LMX1B: variants seen among roughly 807,000 people sequenced by gnomAD.
The protein encoded by LMX1B is LIM homeobox transcription factor 1 beta, also known as LIM homeobox transcription factor 1-beta.
LMX1B carries 12 observed loss-of-function variants against 51.4 expected under a neutral mutation model. That is an observed-to-expected ratio of 0.23 (90% CI 0.15 to 0.38). The LOEUF (loss-of-function observed/expected upper bound fraction) is 0.38. Among genes scored for constraint, LMX1B ranks in the 10% least tolerant of loss-of-function variants. The pLI is 1.00. For missense variants in LMX1B, 445 were observed against 571.1 expected (o/e 0.78, Z 2.25); for synonymous variants, 237 against 235.4 (o/e 1.01, Z -0.06).
chr9:126,628,719 C>T (rs2034283381), intron 2 of LMX1B, among the ~76,000 whole-genome samples: 1 of 152,180 alleles, frequency 6.6e-6, no homozygotes, highest in Admixed American at 6.5e-5. Context: ...TTATACCACA[C>T]TCTTTGGCAT....
intron 2 of LMX1B, among the ~76,000 whole-genome samples, chr9:126,686,544 G>A (rs2029893333): frequency 6.6e-6 from 1 of 152,220 alleles, no homozygotes; most frequent in Admixed American, 6.5e-5. Context: ...TTTGGAGGTA[G>A]GGGAGATGTG....
chr9:126,648,292 G>A (rs976417386), intron 2 of LMX1B, among the ~76,000 whole-genome samples: 6 of 152,192 alleles, frequency 3.9e-5, no homozygotes, highest in East Asian at 1.9e-4. Flanking sequence ...AGTTATAGGC[G>A]CATTAAGGAG....
At chr9:126,672,738 A>T (rs1348660653) in intron 2 of LMX1B, among the ~76,000 whole-genome samples, 1 of 152,212 alleles carries the variant, frequency 6.6e-6, no homozygotes, top group Non-Finnish European at 1.5e-5. Context: ...GCTGAGGAAC[A>T]GTCCAGGGCC....
At chr9:126,632,244 C>T (rs1158062931) in intron 2 of LMX1B, among the ~76,000 whole-genome samples, 1 of 152,150 alleles carries the variant, frequency 6.6e-6, no homozygotes, top group Non-Finnish European at 1.5e-5. Context: ...GGGCAGGGGC[C>T]TCGTTAGTCA....
At chr9:126,653,726 A>G (rs1836063049) in intron 2 of LMX1B, among the ~76,000 whole-genome samples, 1 of 151,774 alleles carries the variant, frequency 6.6e-6, no homozygotes, top group African/African-American at 2.4e-5. Flanking sequence ...TTGCCCTTTC[A>G]TGACCACACT....
At chr9:126,642,594 G>A (rs1434319691) in intron 2 of LMX1B, among the ~76,000 whole-genome samples, 2 of 152,340 alleles carry the variant, frequency 1.3e-5, no homozygotes, top group East Asian at 1.9e-4. Context: ...AGCTGTCCCA[G>A]CCCTTGTCAT....
intron 2 of LMX1B, among the ~76,000 whole-genome samples, chr9:126,633,414 T>C (rs1318093130): frequency 1.3e-5 from 2 of 152,192 alleles, no homozygotes; most frequent in African/African-American, 4.8e-5. Flanking sequence ...GAACGGTGCT[T>C]ACCTGTCCAT....
In LMX1B at chr9:126,699,355, C is replaced by T. The variant is rs1588312455; in HGVS notation, c.*2904C>T. ...GGGGTCACAACTTGTTCTTAGTAAACTTGCCAGCTGTTGGGGTCACATATT... is the reference window on the plus strand; with the variant it reads ...GGGGTCACAACTTGTTCTTAGTAAATTTGCCAGCTGTTGGGGTCACATATT... On this transcript the variant is annotated 3_prime_UTR_variant, in exon 8 of 8. Coordinates refer to ENST00000373474, the MANE Select transcript of LMX1B (RefSeq NM_001174147.2). The T allele has an allele frequency of 6.6e-6, 1 of 152,232 alleles. No homozygotes were observed. The highest frequency in any genetic ancestry group is 1.5e-5 in the Non-Finnish European group (1 of 68,044). 9.4% of individuals were successfully genotyped at this position (152,232 alleles called of 1,614,324 possible). A position where few individuals can be genotyped will look rare whatever the true frequency, so the allele number is the denominator to read the frequency against.
intron 2 of LMX1B, among the ~76,000 whole-genome samples, chr9:126,653,701 A>C (rs976864661): frequency 1.3e-5 from 2 of 151,960 alleles, no homozygotes; most frequent in African/African-American, 2.4e-5. Flanking sequence ...ATCTGCCCCC[A>C]CAGGATCCCT....
intron 4 of LMX1B, 38 bp downstream of exon 4, chr9:126,693,361 C>G: frequency 6.4e-7 from 1 of 1,574,216 alleles, no homozygotes; most frequent in Middle Eastern, 2.3e-4. Context: ...AGGCTGATGC[C>G]CGCACACCCA....
chr9:126,693,342 G>T lies in LMX1B; in HGVS notation c.741+19G>T. 1.3e-6 allele frequency: 2 copies of T among 1,581,498 alleles called. No homozygotes were observed. The highest frequency in any genetic ancestry group is 8.6e-7 in the Non-Finnish European group (1 of 1,164,542). ...CCGAAAGGTGAGGGGCGGCCGGGGG[G>T]CGGGGCTCAGGCTGATGCCCGCACA... On this transcript the variant is annotated intron_variant, in intron 4 of 7. Transcript: ENST00000373474.
chr9:126,644,522 G>A (rs1389076463), intron 2 of LMX1B, among the ~76,000 whole-genome samples: 1 of 152,186 alleles, frequency 6.6e-6, no homozygotes, highest in African/African-American at 2.4e-5. Flanking sequence ...TATCTTTGGG[G>A]ATCAATTGTT....
intron 2 of LMX1B, among the ~76,000 whole-genome samples, chr9:126,637,699 T>C (rs903432614): frequency 1.3e-4 from 19 of 151,966 alleles, no homozygotes; most frequent in African/African-American, 4.1e-4. Flanking sequence ...GCCTGTGACG[T>C]CCATGACCAA....
At chr9:126,674,669 G>A (rs1006680052) in intron 2 of LMX1B, among the ~76,000 whole-genome samples, 1 of 152,138 alleles carries the variant, frequency 6.6e-6, no homozygotes, top group East Asian at 1.9e-4. Flanking sequence ...CGTCCACCAG[G>A]CACCTGACAG....
intron 2 of LMX1B, among the ~76,000 whole-genome samples, chr9:126,680,520 GATA>G (rs1016329433): frequency 3.3e-5 from 5 of 152,284 alleles, no homozygotes; most frequent in Admixed American, 1.3e-4. Context: ...CAATAATAAT[GATA>G]ATAATGAATG....
At chr9:126,665,836 G>A (rs540755284) in intron 2 of LMX1B, among the ~76,000 whole-genome samples, 1 of 152,366 alleles carries the variant, frequency 6.6e-6, no homozygotes, top group Admixed American at 6.5e-5. Flanking sequence ...TCTGCATGGA[G>A]ACCTCCTCAC....
intron 2 of LMX1B, among the ~76,000 whole-genome samples, chr9:126,646,984 G>A (rs1252164000): frequency 6.6e-6 from 1 of 152,166 alleles, no homozygotes; most frequent in Non-Finnish European, 1.5e-5. Flanking sequence ...TTGCTTTGGT[G>A]GATCAGGGAA....
At chr9:126,680,243 A>G (rs1836648999) in intron 2 of LMX1B, among the ~76,000 whole-genome samples, 1 of 152,228 alleles carries the variant, frequency 6.6e-6, no homozygotes, top group Non-Finnish European at 1.5e-5. Flanking sequence ...AGATGAGGTT[A>G]AAGCAGGAAA....
At chr9:126,657,506 C>T (rs1167218442) in intron 2 of LMX1B, among the ~76,000 whole-genome samples, 1 of 152,190 alleles carries the variant, frequency 6.6e-6, no homozygotes, top group Admixed American at 6.5e-5. Context: ...GGGATGCCTG[C>T]CTGCATCTGG....
Sources: allele counts gnomAD v4.1 joint callset (sites outside exome capture counted in the v4.1 genomes callset), GRCh38; gene constraint gnomAD v4.1.1; transcripts MANE v1.5; gene names NCBI Gene and HGNC (gene_info 2026-07-23, HGNC 2026-07-21).